The following WDR7 variants were observed in gnomAD, a reference collection of about 807,000 sequenced individuals.
WDR7 encodes WD repeat domain 7, also known as WD repeat-containing protein 7.
A neutral mutation model predicts 169.4 loss-of-function variants in WDR7; 46 were observed. That is an observed-to-expected ratio of 0.27 (90% CI 0.21 to 0.35). The LOEUF is 0.35. Among genes scored for constraint, WDR7 ranks in the 10% least tolerant of loss-of-function variants. The pLI is 1.00. For synonymous variants in WDR7, 612 were observed against 666.8 expected (o/e 0.92, Z 1.27); for missense variants, 1,534 against 1,859.3 (o/e 0.83, Z 3.22).
chr18:56,673,065 T>C (rs981024312), intron 2 of WDR7, among the ~76,000 whole-genome samples: 2 of 152,164 alleles, frequency 1.3e-5, no homozygotes, highest in Non-Finnish European at 2.9e-5. Flanking sequence ...GATTAATGAC[T>C]GTGCCTTTAT....
chr18:56,799,307 A>C (rs140382899), intron 19 of WDR7, among the ~76,000 whole-genome samples: 501 of 152,310 alleles, frequency 3.3e-3, no homozygotes, highest in Middle Eastern at 6.8e-3. Context: ...TTTTTATCTA[A>C]ATGTAGAATC....
chr18:56,892,607 A>G (rs1446446282), intron 21 of WDR7, among the ~76,000 whole-genome samples: 2 of 152,152 alleles, frequency 1.3e-5, no homozygotes, highest in Non-Finnish European at 2.9e-5. Context: ...ATGCTAAAAC[A>G]GCAGAGTCAA....
chr18:56,703,375 TC>T (rs1484484040), intron 12 of WDR7, among the ~76,000 whole-genome samples: 2 of 152,226 alleles, frequency 1.3e-5, no homozygotes, highest in African/African-American at 4.8e-5. Flanking sequence ...TGCTCTTATC[TC>T]CCATTTTTGA....
At chr18:56,727,552 G>C (rs1217755444) in intron 13 of WDR7, among the ~76,000 whole-genome samples, 1 of 152,120 alleles carries the variant, frequency 6.6e-6, no homozygotes, top group East Asian at 1.9e-4. Flanking sequence ...GAAGGGGAAA[G>C]CCCCTTGTAA....
chr18:56,956,944 A>T (rs74337873), intron 25 of WDR7, among the ~76,000 whole-genome samples: 149 of 152,320 alleles, frequency 9.8e-4, no homozygotes, highest in African/African-American at 3.6e-3. Context: ...AATACCAAGT[A>T]GGAACATTCT....
chr18:56,966,413 G>T (rs557734501), intron 26 of WDR7, among the ~76,000 whole-genome samples: 3 of 152,152 alleles, frequency 2.0e-5, no homozygotes, highest in East Asian at 3.9e-4. Flanking sequence ...TGAGGAGGAT[G>T]AAGGCCTTTA....
intron 3 of WDR7, 99 bp from the exon 4 acceptor site, chr18:56,681,214 T>C (rs894180394): frequency 5.8e-6 from 5 of 867,102 alleles, no homozygotes; most frequent in Non-Finnish European, 9.1e-6. Flanking sequence ...TTCTGAAATA[T>C]ATTAGTTTTA....
At chr18:56,836,236 C>T (rs1427167131) in intron 20 of WDR7, among the ~76,000 whole-genome samples, 3 of 152,138 alleles carry the variant, frequency 2.0e-5, no homozygotes, top group Non-Finnish European at 2.9e-5. Flanking sequence ...ACTTTCCTCT[C>T]ATGTCTGGCC....
intron 21 of WDR7, among the ~76,000 whole-genome samples, chr18:56,896,750 T>G (rs2046337634): frequency 6.6e-6 from 1 of 151,794 alleles, no homozygotes; most frequent in Non-Finnish European, 1.5e-5. Flanking sequence ...TAGGAAAATA[T>G]GACCTTGGAA....
chr18:56,781,495 T>C (rs765109964), intron 18 of WDR7, 38 bp from the exon 19 acceptor site: 6 of 1,525,614 alleles, frequency 3.9e-6, no homozygotes, highest in South Asian at 2.5e-5. Flanking sequence ...CCTCAACTAA[T>C]CTGCTTTCTG....
intron 20 of WDR7, among the ~76,000 whole-genome samples, chr18:56,818,673 G>T (rs1339320815): frequency 6.6e-6 from 1 of 152,160 alleles, no homozygotes; most frequent in Non-Finnish European, 1.5e-5. Flanking sequence ...GGGTTTAGAA[G>T]AAAACCATAT....
At chr18:56,772,537 A>G (rs1041678224) in intron 16 of WDR7, among the ~76,000 whole-genome samples, 1 of 152,176 alleles carries the variant, frequency 6.6e-6, no homozygotes, top group African/African-American at 2.4e-5. Context: ...GGGAGAAAAT[A>G]TAATTTTTAA....
chr18:56,986,460 T>G (rs2047721398), intron 26 of WDR7, among the ~76,000 whole-genome samples: 1 of 152,224 alleles, frequency 6.6e-6, no homozygotes, highest in African/African-American at 2.4e-5. Flanking sequence ...ATAGGTTTTA[T>G]GTTTGAAGGA....
intron 20 of WDR7, among the ~76,000 whole-genome samples, chr18:56,850,785 T>C (rs2045628890): frequency 6.6e-6 from 1 of 152,180 alleles, no homozygotes; most frequent in Non-Finnish European, 1.5e-5. Flanking sequence ...AGTGCTGAGA[T>C]TACAGGTGTG....
At chr18:56,962,923 T>G (rs144588258) in intron 26 of WDR7, among the ~76,000 whole-genome samples, 1,554 of 152,280 alleles carry the variant, frequency 0.01, 14 homozygotes, top group Middle Eastern at 0.014. Flanking sequence ...TATTTCACAA[T>G]TATAAGACAG....
intron 21 of WDR7, among the ~76,000 whole-genome samples, chr18:56,904,948 G>A (rs1396620121): frequency 1.3e-5 from 2 of 152,050 alleles, no homozygotes; most frequent in Non-Finnish European, 2.9e-5. Flanking sequence ...AAATTGACCC[G>A]AAGCCGTTAC....
chr18:56,712,478 G>T (rs2026107795), intron 12 of WDR7, among the ~76,000 whole-genome samples: 1 of 152,124 alleles, frequency 6.6e-6, no homozygotes, highest in South Asian at 2.1e-4. Flanking sequence ...GAATATACTT[G>T]TTTTGGGCCA....
intron 1 of WDR7, among the ~76,000 whole-genome samples, chr18:56,669,139 A>G (rs1481463063): frequency 3.9e-5 from 6 of 152,186 alleles, no homozygotes; most frequent in African/African-American, 1.4e-4. Context: ...TCTTTCAGTT[A>G]TTATTTTTGT....
chr18:56,703,697 A>G (rs1489285682), intron 12 of WDR7, among the ~76,000 whole-genome samples: 2 of 152,064 alleles, frequency 1.3e-5, no homozygotes, highest in East Asian at 3.8e-4. Flanking sequence ...GAAAATAGAG[A>G]TATTTTCTAA....
Sources: gnomAD v4.1 joint callset for allele counts (sites outside exome capture counted in the v4.1 genomes callset) on GRCh38, gnomAD v4.1.1 for gene constraint, MANE v1.5 for transcripts, NCBI Gene and HGNC (gene_info 2026-07-23, HGNC 2026-07-21) for gene names.